ERMARD: variants seen among roughly 807,000 people sequenced by gnomAD.
ERMARD encodes the protein ER membrane associated RNA degradation.
ERMARD carries 71 observed loss-of-function variants against 83.9 expected under a neutral mutation model. The observed-to-expected ratio is 0.85, with a 90% CI of 0.70 to 1.03. ERMARD has a LOEUF of 1.03. ERMARD is among the 50% of genes least tolerant of loss of function. The pLI is 0.00. For synonymous variants in ERMARD, 284 were observed against 298.6 expected, an observed-to-expected ratio of 0.95 and a Z score of 0.50; for missense variants, 838 against 810.9, an observed-to-expected ratio of 1.03 and a Z score of -0.41.
chr6:169,763,647 T>G (rs910234107), intron 9 of ERMARD, among the ~76,000 whole-genome samples: 38 of 152,358 alleles, frequency 2.5e-4, no homozygotes, highest in African/African-American at 8.4e-4. Context: ...TTTTTGCCCC[T>G]CTTTGTAGGC....
chr6:169,769,391 G>T, intron 11 of ERMARD, 149 bp from the exon 12 acceptor site: 1 of 630,164 alleles, frequency 1.6e-6, no homozygotes, highest in Non-Finnish European at 2.5e-6. Flanking sequence ...CTGTCCTGTG[G>T]GTGTAGGAGA....
intron 1 of ERMARD, 128 bp downstream of exon 1, chr6:169,751,791 G>C: frequency 1.5e-6 from 2 of 1,337,780 alleles, no homozygotes; most frequent in Non-Finnish European, 2.0e-6. Flanking sequence ...TCCCGCGCTG[G>C]AGGGCGCTGG....
chr6:169,781,449 T>A lies in ERMARD; in HGVS notation c.1973T>A (p.Phe658Tyr), dbSNP rs1207991303. ...ACAGCTTTGTTGAAAATGTGGACTT[T>A]TAGTGAGAAGAAACAAATGTTAATA... The part of the protein sequence containing the change: ...THTALLKMWT[F>Y]SEKKQMLIHL... Residue 658 changes from phenylalanine (F) to tyrosine (Y), a missense_variant, in exon 18 of 18, where the codon TTT becomes TAT. By Grantham distance (22) the Phe-to-Tyr change is conservative. Transcript: ENST00000366773. The A allele has an allele frequency of 6.2e-7, 1 of 1,611,716 alleles. No individual in the cohort carries two copies. Among genetic ancestry groups the A allele is most frequent in the Non-Finnish European group, 8.5e-7 (1 of 1,179,254 alleles).
intron 17 of ERMARD, 92 bp from the exon 18 acceptor site, chr6:169,781,238 T>C: frequency 8.4e-7 from 1 of 1,196,026 alleles, no homozygotes; most frequent in Non-Finnish European, 1.1e-6. Context: ...GCAGTTTACT[T>C]TAGGAATAAT....
chr6:169,762,023 C>T (rs1433922379), intron 8 of ERMARD, among the ~76,000 whole-genome samples: 1 of 151,976 alleles, frequency 6.6e-6, no homozygotes, highest in Non-Finnish European at 1.5e-5. Flanking sequence ...ATTATCATTT[C>T]TCTTTGCTTT....
chr6:169,763,559 C>T lies in ERMARD; in HGVS notation c.960+1028C>T, dbSNP rs547385426. On this transcript the variant is annotated intron_variant, in intron 9 of 17. Transcript: ENST00000366773. ...GCCAAGTGCCCAGCTTCCCACGGGACGATCTGTTGTGGAGGGAGGGCAGGT... is the reference window on the plus strand; with the variant it reads ...GCCAAGTGCCCAGCTTCCCACGGGATGATCTGTTGTGGAGGGAGGGCAGGT... Among the ~76,000 whole-genome samples, 55 of 152,362 alleles carry T rather than the reference C, an allele frequency of 3.6e-4. 1 individual carries two copies. In the South Asian group the frequency reaches 7.7e-3, roughly 21 times the overall value.
intron 15 of ERMARD, 38 bp downstream of exon 15, chr6:169,776,103 G>A: frequency 6.2e-7 from 1 of 1,605,364 alleles, no homozygotes; most frequent in Non-Finnish European, 8.5e-7. Context: ...TTGAAACATT[G>A]ATTCAGCAGA....
chr6:169,769,593 T>G lies in ERMARD; in HGVS notation c.1113T>G (p.His371Gln), dbSNP rs1381033862. The G allele has an allele frequency of 6.2e-7, 1 of 1,612,840 alleles. No individual in the cohort carries two copies. Among genetic ancestry groups the G allele is most frequent in the Non-Finnish European group, 8.5e-7 (1 of 1,179,506 alleles). The change falls in exon 12 of 18, where the codon CAT (histidine) becomes CAG (glutamine). Residue 371 changes from histidine to glutamine, a missense_variant. Coordinates refer to ENST00000366773, the MANE Select transcript of ERMARD (RefSeq NM_018341.3). ...AGGAGGGTCCCCGCATAAGAGATCA[T>G]TTAAGCCACGGGGAGATCAACTTAC... ...NHQEGPRIRD[H>Q]LSHGEINLHE...
chr6:169,754,141 T>TAATACA, intron 2 of ERMARD, 109 bp downstream of exon 2: 1 of 1,046,106 alleles, frequency 9.6e-7, no homozygotes, highest in Non-Finnish European at 1.4e-6. Context: ...GATAATGTTA[T>TAATACA]AATACAGGCC....
At chr6:169,778,599 G>T (rs559986267) in intron 16 of ERMARD, among the ~76,000 whole-genome samples, 1 of 152,264 alleles carries the variant, frequency 6.6e-6, no homozygotes, top group South Asian at 2.1e-4. Flanking sequence ...AGATATCGCT[G>T]GATTCCCCTC....
At chr6:169,768,017 A>T in intron 10 of ERMARD, 86 bp from the exon 11 acceptor site, 2 of 1,096,664 alleles carry the variant, frequency 1.8e-6, no homozygotes, top group South Asian at 2.7e-5. Context: ...AGTTAGGCTA[A>T]AAGTACTATA....
At chr6:169,763,793 C>T (rs576614669) in intron 9 of ERMARD, among the ~76,000 whole-genome samples, 1 of 152,184 alleles carries the variant, frequency 6.6e-6, no homozygotes, top group Non-Finnish European at 1.5e-5. Flanking sequence ...AAAATGAAAC[C>T]CAACACATGG....
At chr6:169,769,147 G>A (rs535937648) in intron 11 of ERMARD, among the ~76,000 whole-genome samples, 6 of 152,322 alleles carry the variant, frequency 3.9e-5, no homozygotes, top group African/African-American at 1.2e-4. Context: ...GATTTGTGTC[G>A]TAAGAAGCAA....
chr6:169,775,432 G>T, intron 14 of ERMARD, 86 bp downstream of exon 14: 1 of 1,467,756 alleles, frequency 6.8e-7, no homozygotes, highest in Non-Finnish European at 9.4e-7. Flanking sequence ...CGAGGCTGTG[G>T]GAAGATAAAA....
chr6:169,772,282 T>C lies in ERMARD; in HGVS notation c.1234-1037T>C, dbSNP rs180684536. Among the ~76,000 whole-genome samples, 576 of 152,344 alleles carry C rather than the reference T, an allele frequency of 3.8e-3. 1 individual carries two copies. The highest frequency in any genetic ancestry group is 0.017 in the South Asian group (80 of 4,834). On this transcript the variant is annotated intron_variant, in intron 12 of 17. Coordinates refer to ENST00000366773, the MANE Select transcript of ERMARD (RefSeq NM_018341.3). ...GCCAGGTGCTCTTCAGTGGCACACA[T>C]ATGCTGCGTGTGTGTCTGCCCTGCG...
chr6:169,762,463 C>T lies in ERMARD; in HGVS notation c.892C>T (p.Leu298=), dbSNP rs749492393. The change falls in exon 9 of 18, where the codon CTG becomes TTG. Residue 298 remains leucine, a synonymous_variant. Coordinates refer to ENST00000366773, the MANE Select transcript of ERMARD (RefSeq NM_018341.3). ...ADCAILLLTQ[L]ETGLRNVFAT... ...CTGCGCCATATTGTTGCTGACACAA[C>T]TGGAGACTGGACTTAGGAATGTTTT... 1.2e-6 allele frequency: 2 copies of T among 1,614,200 alleles called. No individual in the cohort carries two copies. Among genetic ancestry groups the T allele is most frequent in the South Asian group, 1.1e-5 (1 of 91,070 alleles).
Position 169,781,382 on chromosome 6 carries a change from TA to T in ERMARD, c.1907del (p.Tyr636SerfsTer18), listed in dbSNP as rs1424515647. The T allele has an allele frequency of 6.2e-7, 1 of 1,612,930 alleles. No individual in the cohort carries two copies. The highest frequency in any genetic ancestry group is 8.5e-7 in the Non-Finnish European group (1 of 1,179,810). Reference protein sequence around the residue: ...YTENLVAYTSYEKNKWNETIN... With the variant: ...YTENLVAYTSXEKNKWNETIN... The stretch of plus-strand genomic sequence containing the variant: ...GGAGAACCTGGTGGCTTACACCAGT[TA>T]CGAAAAGAACAAGTGGAATGAAACT... On this transcript the variant is annotated frameshift_variant, in exon 18 of 18. Transcript: ENST00000366773. LOFTEE classifies it low-confidence loss of function (END_TRUNC).
At chr6:169,752,243 C>T (rs995152333) in intron 1 of ERMARD, among the ~76,000 whole-genome samples, 9 of 152,216 alleles carry the variant, frequency 5.9e-5, no homozygotes, top group African/African-American at 2.2e-4. Flanking sequence ...CGATAACTAC[C>T]ATTTTTGAGT....
chr6:169,758,141 T>C (rs1791047780), intron 5 of ERMARD, among the ~76,000 whole-genome samples: 1 of 152,262 alleles, frequency 6.6e-6, no homozygotes, highest in Non-Finnish European at 1.5e-5. Context: ...GGTCTTCCCC[T>C]TGAGGGAAGT....
Sources: gnomAD v4.1 joint callset for allele counts (sites outside exome capture counted in the v4.1 genomes callset) on GRCh38, gnomAD v4.1.1 for gene constraint, MANE v1.5 for transcripts, NCBI Gene and HGNC (gene_info 2026-07-23, HGNC 2026-07-21) for gene names.